Variants in FBXL20 observed in about 807,000 individuals in gnomAD.
FBXL20 encodes F-box and leucine rich repeat protein 20.
FBXL20 carries 11 observed loss-of-function variants against 64.0 expected under a neutral mutation model. The ratio of observed to expected loss-of-function variants is 0.17; its 90% CI spans 0.11 to 0.28. The LOEUF (loss-of-function observed/expected upper bound fraction) is 0.28. Among genes scored for constraint, FBXL20 ranks in the 10% least tolerant of loss-of-function variants. The pLI is 1.00. For synonymous variants in FBXL20, 184 were observed against 189.0 expected, an observed-to-expected ratio of 0.97 and a Z score of 0.22; for missense variants, 303 against 526.2, an observed-to-expected ratio of 0.58 and a Z score of 4.15.
intron 1 of FBXL20, among the ~76,000 whole-genome samples, chr17:39,401,095 G>C (rs539570623): frequency 6.6e-6 from 1 of 152,338 alleles, no homozygotes; most frequent in South Asian, 2.1e-4. Flanking sequence ...AGCGATCCTG[G>C]AGGAGGGTGG....
At chr17:39,337,478 G>A (rs2047535082) in intron 2 of FBXL20, among the ~76,000 whole-genome samples, 1 of 151,794 alleles carries the variant, frequency 6.6e-6, no homozygotes, top group African/African-American at 2.4e-5. Flanking sequence ...CCCTCTGCCT[G>A]GCTGCCCAGT....
At chr17:39,375,370 A>T (rs965772381) in intron 1 of FBXL20, among the ~76,000 whole-genome samples, 2 of 152,174 alleles carry the variant, frequency 1.3e-5, no homozygotes, top group Non-Finnish European at 2.9e-5. Flanking sequence ...AATAAGAAAC[A>T]AACGAAAAAA....
intron 1 of FBXL20, among the ~76,000 whole-genome samples, chr17:39,398,095 A>G (rs948174821): frequency 1.5e-5 from 2 of 133,294 alleles, no homozygotes; most frequent in Non-Finnish European, 3.1e-5. Flanking sequence ...CAGCCTGGCC[A>G]ACATGGTGAA....
intron 2 of FBXL20, among the ~76,000 whole-genome samples, chr17:39,328,248 CAAAAAAAAA>C (rs141259755): frequency 3.4e-4 from 19 of 55,092 alleles, no homozygotes; most frequent in African/African-American, 1.9e-3. Flanking sequence ...AACTCTGCCT[CAAAAAAAAA>C]AAAAAAAAAA....
chr17:39,354,091 T>C (rs1300676403), intron 1 of FBXL20, among the ~76,000 whole-genome samples: 1 of 152,172 alleles, frequency 6.6e-6, no homozygotes, highest in African/African-American at 2.4e-5. Context: ...ATTTTAAAGG[T>C]ACAAGTATTT....
At chr17:39,307,150 G>A (rs1263514635) in intron 2 of FBXL20, among the ~76,000 whole-genome samples, 1 of 152,156 alleles carries the variant, frequency 6.6e-6, no homozygotes, top group Non-Finnish European at 1.5e-5. Flanking sequence ...AGGGTGGTGA[G>A]TTTCATTCAA....
At chr17:39,365,837 G>T (rs774438531) in intron 1 of FBXL20, among the ~76,000 whole-genome samples, 2 of 152,066 alleles carry the variant, frequency 1.3e-5, no homozygotes, top group African/African-American at 2.4e-5. Flanking sequence ...TTCTTTTGAA[G>T]TTATGAAGTG....
At chr17:39,334,245 C>T (rs911963030) in intron 2 of FBXL20, among the ~76,000 whole-genome samples, 1 of 152,032 alleles carries the variant, frequency 6.6e-6, no homozygotes, top group African/African-American at 2.4e-5. Flanking sequence ...GCAAGATGTG[C>T]TTTGTTAAAC....
intron 2 of FBXL20, among the ~76,000 whole-genome samples, chr17:39,312,256 C>G (rs1174205885): frequency 6.6e-6 from 1 of 151,398 alleles, no homozygotes; most frequent in Admixed American, 6.6e-5. Context: ...CTCTACTAAA[C>G]ATACAAAAAT....
At chr17:39,316,862 G>A (rs1017659044) in intron 2 of FBXL20, among the ~76,000 whole-genome samples, 4 of 152,196 alleles carry the variant, frequency 2.6e-5, no homozygotes, top group Non-Finnish European at 5.9e-5. Context: ...GGTGCTGGGC[G>A]CCTGTAATCC....
intron 7 of FBXL20, among the ~76,000 whole-genome samples, chr17:39,284,837 G>GA (rs1363384417): frequency 6.6e-6 from 1 of 152,190 alleles, no homozygotes; most frequent in Non-Finnish European, 1.5e-5. Context: ...GAGGTGATAA[G>GA]AAAAAGCTCA....
At chr17:39,386,992 G>A (rs958901437) in intron 1 of FBXL20, among the ~76,000 whole-genome samples, 4 of 152,182 alleles carry the variant, frequency 2.6e-5, no homozygotes, top group Non-Finnish European at 5.9e-5. Flanking sequence ...TGCTAGGTAT[G>A]TAATACAGGT....
chr17:39,269,287 G>A (rs958371563), intron 11 of FBXL20, among the ~76,000 whole-genome samples: 8 of 151,950 alleles, frequency 5.3e-5, no homozygotes, highest in Non-Finnish European at 8.8e-5. Context: ...TCTACCTCCC[G>A]GGTTCACGCC....
At chr17:39,309,903 T>A (rs528897406) in intron 2 of FBXL20, among the ~76,000 whole-genome samples, 1 of 150,098 alleles carries the variant, frequency 6.7e-6, no homozygotes, top group South Asian at 2.1e-4. Context: ...AATCCCAGCA[T>A]TTTGGGAGGC....
At chr17:39,326,943 G>A (rs554374007) in intron 2 of FBXL20, among the ~76,000 whole-genome samples, 1 of 150,658 alleles carries the variant, frequency 6.6e-6, no homozygotes, top group East Asian at 2.0e-4. Context: ...GTGCAGTGGA[G>A]CATCTTGGCT....
At chr17:39,304,758 A>G (rs888903022) in intron 2 of FBXL20, among the ~76,000 whole-genome samples, 1 of 151,284 alleles carries the variant, frequency 6.6e-6, no homozygotes. Flanking sequence ...TGCTCAGCTA[A>G]TTTTTTTTTG....
intron 1 of FBXL20, among the ~76,000 whole-genome samples, chr17:39,396,799 CAAAA>C (rs1210474640): frequency 1.3e-5 from 2 of 150,044 alleles, no homozygotes; most frequent in African/African-American, 4.9e-5. Flanking sequence ...ACTAAAAATA[CAAAA>C]AAAATTAGCC....
intron 1 of FBXL20, among the ~76,000 whole-genome samples, chr17:39,362,551 G>A (rs1230162862): frequency 2.0e-5 from 3 of 151,076 alleles, no homozygotes; most frequent in Admixed American, 6.6e-5. Flanking sequence ...TCGAACTCCC[G>A]ACCTCAGGTG....
intron 1 of FBXL20, among the ~76,000 whole-genome samples, chr17:39,363,881 ATCTTT>A (rs1256984339): frequency 1.7e-5 from 2 of 119,386 alleles, no homozygotes; most frequent in East Asian, 5.2e-4. Flanking sequence ...AATGAATCAT[ATCTTT>A]TTTTTTTTTT....
Sources: allele counts gnomAD v4.1 joint callset (sites outside exome capture counted in the v4.1 genomes callset), GRCh38; gene constraint gnomAD v4.1.1; transcripts MANE v1.5; gene names NCBI Gene and HGNC (gene_info 2026-07-23, HGNC 2026-07-21).